Variants in MFHAS1 observed in about 807,000 individuals in gnomAD.
MFHAS1 encodes multifunctional ROCO family signaling regulator 1, also known as malignant fibrous histiocytoma-amplified sequence 1.
MFHAS1 carries 50 observed loss-of-function variants against 70.4 expected under a neutral mutation model. The ratio of observed to expected loss-of-function variants is 0.71; its 90% CI spans 0.57 to 0.90. The LOEUF is 0.90. Ranked by LOEUF, MFHAS1 falls within the 40% of genes least tolerant of loss-of-function variation. The pLI is 0.00. For missense variants in MFHAS1, 1,795 were observed against 1,347.6 expected (o/e 1.33, Z -5.20); for synonymous variants, 952 against 620.0 (o/e 1.54, Z -7.96).
intron 1 of MFHAS1, among the ~76,000 whole-genome samples, chr8:8,864,763 T>C (rs1808794467): frequency 6.6e-6 from 1 of 152,078 alleles, no homozygotes; most frequent in Non-Finnish European, 1.5e-5. Context: ...CATTTTATCT[T>C]TAAACTCACA....
chr8:8,796,578 G>A (rs1805903086), intron 2 of MFHAS1, among the ~76,000 whole-genome samples: 1 of 148,956 alleles, frequency 6.7e-6, no homozygotes, highest in African/African-American at 2.5e-5. Context: ...CAGCTACTCG[G>A]GAGGCTGAGG....
chr8:8,835,769 C>G (rs368006298), intron 1 of MFHAS1, among the ~76,000 whole-genome samples: 1 of 152,228 alleles, frequency 6.6e-6, no homozygotes, highest in Non-Finnish European at 1.5e-5. Flanking sequence ...TATTCAGACC[C>G]AGTTCTCATG....
At chr8:8,837,663 A>G (rs574221052) in intron 1 of MFHAS1, among the ~76,000 whole-genome samples, 1 of 152,024 alleles carries the variant, frequency 6.6e-6, no homozygotes, top group Non-Finnish European at 1.5e-5. Context: ...AAAAAAGAAG[A>G]GGAAGAAGAT....
chr8:8,890,749 C>G lies in MFHAS1; in HGVS notation c.2310G>C (p.Met770Ile), dbSNP rs1285538106. Residue 770 changes from methionine (M) to isoleucine (I), a missense_variant, in exon 1 of 3, where the codon ATG becomes ATC. By Grantham distance (10) the Met-to-Ile change is conservative. Transcript: ENST00000276282. The stretch of plus-strand genomic sequence containing the variant: ...GTTCCTGGCTGGGGGTGGACCGCGC[C>G]ATGGGCGGGGAGCTTTCCCCCTCCG... Reference protein sequence around the residue: ...GKAEGESSPPMARSTPSQELL... With the variant: ...GKAEGESSPPIARSTPSQELL... 1 of 1,613,812 alleles carries G rather than the reference C, an allele frequency of 6.2e-7. No homozygotes were observed. Among genetic ancestry groups the G allele is most frequent in the East Asian group, 2.2e-5 (1 of 44,880 alleles).
intron 1 of MFHAS1, among the ~76,000 whole-genome samples, chr8:8,887,864 A>C (rs34567861): frequency 0.17 from 24,849 of 148,676 alleles, 2,538 homozygotes; most frequent in African/African-American, 0.29. Context: ...AAAAACAAAA[A>C]AAAAAAAAAA....
intron 2 of MFHAS1, among the ~76,000 whole-genome samples, chr8:8,787,680 A>T (rs948487998): frequency 6.6e-6 from 1 of 152,216 alleles, no homozygotes; most frequent in Non-Finnish European, 1.5e-5. Context: ...CAGTGTAAAA[A>T]CACACGTCTC....
At chr8:8,786,892 C>G (rs1315458771) in intron 2 of MFHAS1, among the ~76,000 whole-genome samples, 2 of 151,860 alleles carry the variant, frequency 1.3e-5, no homozygotes, top group Non-Finnish European at 2.9e-5. Flanking sequence ...TGGGCTCATT[C>G]AAGCATGATA....
chr8:8,888,127 G>T (rs911056969), intron 1 of MFHAS1, among the ~76,000 whole-genome samples: 1 of 152,122 alleles, frequency 6.6e-6, no homozygotes, highest in African/African-American at 2.4e-5. Flanking sequence ...AAAACAAACT[G>T]AAGAGTCTAC....
intron 1 of MFHAS1, among the ~76,000 whole-genome samples, chr8:8,844,927 T>C (rs1317284804): frequency 1.3e-5 from 2 of 151,960 alleles, no homozygotes; most frequent in African/African-American, 4.8e-5. Flanking sequence ...CAAAACTATC[T>C]GCATGACAAA....
At position 8,874,217 on chromosome 8, in the gene MFHAS1, G is replaced by A. The variant is rs77667943; in HGVS notation, c.2998+15844C>T. On this transcript the variant is annotated intron_variant, in intron 1 of 2. Coordinates refer to ENST00000276282, the MANE Select transcript of MFHAS1 (RefSeq NM_004225.3). ...CTTACACCTCTGGAAGGTGGAGAAC[G>A]TACTTAGTTTAACAATCTGGAAAGG... Among the ~76,000 whole-genome samples the A allele has an allele frequency of 7.2e-5, 11 of 152,148 alleles. No homozygotes were observed. The East Asian group carries it at 1.3e-3, about 19-fold the overall frequency.
At chr8:8,796,868 C>T (rs190891497) in intron 2 of MFHAS1, among the ~76,000 whole-genome samples, 16,254 of 149,888 alleles carry the variant, frequency 0.11, 1,146 homozygotes, top group African/African-American at 0.2. Flanking sequence ...TGGTGGTGGG[C>T]GCCTGTAGTC....
At chr8:8,886,885 C>G (rs1337683683) in intron 1 of MFHAS1, among the ~76,000 whole-genome samples, 1 of 152,086 alleles carries the variant, frequency 6.6e-6, no homozygotes, top group Admixed American at 6.6e-5. Flanking sequence ...CAGCACTTTG[C>G]GAGACTGAGG....
At position 8,852,012 on chromosome 8, in the gene MFHAS1, G is replaced by C. The variant is rs114116721; in HGVS notation, c.2998+38049C>G. ...GCTCCCTCAGGAACAGCGATGCCAA[G>C]CCCAGTTTTGGATACATAGGGAGTG... On this transcript the variant is annotated intron_variant, in intron 1 of 2. Coordinates refer to ENST00000276282, the MANE Select transcript of MFHAS1 (RefSeq NM_004225.3). Among the ~76,000 whole-genome samples the C allele has an allele frequency of 4.0e-3, 606 of 152,280 alleles. 1 individual carries two copies. Among genetic ancestry groups the C allele is most frequent in the African/African-American group, 0.014 (570 of 41,556 alleles).
chr8:8,822,510 G>A (rs11779565), intron 1 of MFHAS1, among the ~76,000 whole-genome samples: 43,684 of 145,510 alleles, frequency 0.3, 7,361 homozygotes, highest in African/African-American at 0.4. Flanking sequence ...GGACTGAGAT[G>A]GGGACAGGGA....
chr8:8,869,715 T>C (rs1277349016), intron 1 of MFHAS1, among the ~76,000 whole-genome samples: 1 of 152,194 alleles, frequency 6.6e-6, no homozygotes, highest in Non-Finnish European at 1.5e-5. Context: ...GCTGCAGTCT[T>C]CTTCCCGCTG....
In MFHAS1 at chr8:8,893,001, G is replaced by A; in HGVS notation, c.58C>T (p.Leu20=). The A allele has an allele frequency of 6.5e-7, 1 of 1,537,064 alleles. No homozygotes were observed. Among genetic ancestry groups the A allele is most frequent in the Non-Finnish European group, 8.7e-7 (1 of 1,144,586 alleles). The change falls in exon 1 of 3, where the codon CTG becomes TTG. Residue 20 remains leucine, a synonymous_variant. Coordinates refer to ENST00000276282, the MANE Select transcript of MFHAS1 (RefSeq NM_004225.3). ...KTARLWRDAA[L]RARKLRSNLR... is the part of the protein sequence containing the mutation. ...TTGCTCCGCAGCTTCCTGGCACGCA[G>A]GGCGGCGTCCCGCCACAGCCTCGCG... is the stretch of plus-strand genomic sequence containing the variant.
At chr8:8,800,232 A>G (rs956868828) in intron 1 of MFHAS1, among the ~76,000 whole-genome samples, 3 of 152,220 alleles carry the variant, frequency 2.0e-5, no homozygotes, top group African/African-American at 7.2e-5. Flanking sequence ...TTCCTTAACC[A>G]AACTCCTGTA....
intron 1 of MFHAS1, among the ~76,000 whole-genome samples, chr8:8,862,639 A>G (rs955710348): frequency 6.6e-6 from 1 of 152,214 alleles, no homozygotes; most frequent in African/African-American, 2.4e-5. Context: ...GTATGATACT[A>G]TAACGGTGGA....
intron 1 of MFHAS1, among the ~76,000 whole-genome samples, chr8:8,825,055 G>C (rs1020249048): frequency 6.6e-6 from 1 of 152,238 alleles, no homozygotes. Flanking sequence ...TGCTGTCCTA[G>C]AGATTCTGCA....
Sources: allele counts gnomAD v4.1 joint callset (sites outside exome capture counted in the v4.1 genomes callset), GRCh38; gene constraint gnomAD v4.1.1; transcripts MANE v1.5; gene names NCBI Gene and HGNC (gene_info 2026-07-23, HGNC 2026-07-21).